The following TMEM132B variants were observed in gnomAD, a reference collection of about 807,000 sequenced individuals.
The protein encoded by TMEM132B is transmembrane protein 132B.
TMEM132B carries 18 observed loss-of-function variants against 90.8 expected under a neutral mutation model. The observed-to-expected ratio is 0.20, with a 90% CI of 0.14 to 0.29. The LOEUF (loss-of-function observed/expected upper bound fraction) is 0.29. Among genes scored for constraint, TMEM132B ranks in the 10% least tolerant of loss-of-function variants. The pLI, the probability that TMEM132B is intolerant of heterozygous loss-of-function variation, is 1.00. For missense variants in TMEM132B, 1,096 were observed against 1,326.8 expected, an observed-to-expected ratio of 0.83 and a Z score of 2.70; for synonymous variants, 504 against 523.3, an observed-to-expected ratio of 0.96 and a Z score of 0.50.
At chr12:125,652,681 CTCTCAGTTAGCACATCCTG>C (rs779641493) in intron 8 of TMEM132B, 49 bp downstream of exon 8, 1 of 1,561,620 alleles carries the variant, frequency 6.4e-7, no homozygotes, top group Non-Finnish European at 8.7e-7. Context: ...GATGACTTCT[CTCTCAGTTAGCACATCCTG>C]CGAAGGAGAG....
At chr12:125,477,507 A>T (rs1007688000) in intron 3 of TMEM132B, among the ~76,000 whole-genome samples, 21 of 146,948 alleles carry the variant, frequency 1.4e-4, no homozygotes, top group African/African-American at 5.1e-4. Flanking sequence ...AAATTCCGTA[A>T]TTTTTTTCCC....
chr12:125,198,324 G>A (rs1403357313), intron 1 of TMEM132B, among the ~76,000 whole-genome samples: 1 of 152,180 alleles, frequency 6.6e-6, no homozygotes, highest in Admixed American at 6.5e-5. Context: ...GTATGGCTGG[G>A]TCCAGGGGCT....
chr12:125,644,993 G>A (rs1331560371), intron 6 of TMEM132B, among the ~76,000 whole-genome samples: 5 of 152,080 alleles, frequency 3.3e-5, no homozygotes, highest in East Asian at 1.9e-4. Flanking sequence ...CAAGGCAGGC[G>A]GATCACGAGG....
At chr12:125,540,440 G>GT (rs903556700) in intron 4 of TMEM132B, among the ~76,000 whole-genome samples, 2 of 152,106 alleles carry the variant, frequency 1.3e-5, no homozygotes, top group Non-Finnish European at 2.9e-5. Context: ...AGATTTGTCT[G>GT]TTTTTTGTTG....
At chr12:125,515,412 C>T (rs1883104736) in intron 3 of TMEM132B, among the ~76,000 whole-genome samples, 1 of 145,860 alleles carries the variant, frequency 6.9e-6, no homozygotes, top group African/African-American at 2.5e-5. Context: ...TACATTCAAA[C>T]ATTTGCTCAC....
At chr12:125,348,709 G>T (rs1040192596) in intron 1 of TMEM132B, among the ~76,000 whole-genome samples, 5 of 152,184 alleles carry the variant, frequency 3.3e-5, no homozygotes, top group African/African-American at 1.2e-4. Flanking sequence ...CCTACTTTAT[G>T]TGAGGACATT....
Position 125,300,042 on chromosome 12 carries a change from G to A in TMEM132B, c.68-49410G>A, listed in dbSNP as rs573292285. ...TCCTCCCATGCGCCCTGCGTGGGCC[G>A]CCACGGGGGCTTTGCACTCGCTGTG... On this transcript the variant is annotated intron_variant, in intron 1 of 8. Coordinates refer to ENST00000682704, the MANE Select transcript of TMEM132B (RefSeq NM_001366854.1). Among the ~76,000 whole-genome samples the A allele has an allele frequency of 1.3e-3, 200 of 152,300 alleles. 1 individual carries two copies. The highest frequency in any genetic ancestry group is 4.5e-3 in the African/African-American group (185 of 41,566).
chr12:125,229,970 A>G (rs997212866), intron 1 of TMEM132B, among the ~76,000 whole-genome samples: 2 of 152,248 alleles, frequency 1.3e-5, no homozygotes, highest in African/African-American at 4.8e-5. Context: ...GAGGATAGAA[A>G]ATGCCGGGGC....
intron 2 of TMEM132B, among the ~76,000 whole-genome samples, chr12:125,369,731 A>G (rs1331385835): frequency 1.3e-5 from 2 of 152,200 alleles, no homozygotes; most frequent in Non-Finnish European, 2.9e-5. Context: ...ATTTTTACCT[A>G]TGGAGGTCAT....
chr12:125,467,587 T>C (rs1165690454), intron 3 of TMEM132B, among the ~76,000 whole-genome samples: 2 of 152,234 alleles, frequency 1.3e-5, no homozygotes, highest in Non-Finnish European at 2.9e-5. Flanking sequence ...TGCTTTTGTT[T>C]TGTGTAATTT....
intron 1 of TMEM132B, among the ~76,000 whole-genome samples, chr12:125,208,947 C>T (rs938470517): frequency 2.0e-5 from 3 of 152,178 alleles, no homozygotes; most frequent in Non-Finnish European, 2.9e-5. Flanking sequence ...GCTCAGGCCT[C>T]GGGCAGGGGC....
chr12:125,597,472 G>T lies in TMEM132B; in HGVS notation c.1437+13478G>T, dbSNP rs1407845677. ...TCTAACTCTCTTAGAACTGCAAGGAGAATTCCTCTTCAAACCTATCAAGGC... is the reference window on the plus strand; with the variant it reads ...TCTAACTCTCTTAGAACTGCAAGGATAATTCCTCTTCAAACCTATCAAGGC... On this transcript the variant is annotated intron_variant, in intron 5 of 8. Transcript: ENST00000682704. 2.0e-5 allele frequency among the ~76,000 whole-genome samples: 3 copies of T among 152,196 alleles called. No homozygotes were observed. The East Asian group carries it at 5.8e-4, about 29-fold the overall frequency.
intron 1 of TMEM132B, among the ~76,000 whole-genome samples, chr12:125,215,987 T>G (rs904813741): frequency 1.3e-5 from 2 of 152,250 alleles, no homozygotes; most frequent in Non-Finnish European, 2.9e-5. Context: ...TGGGCACCAT[T>G]ATTCTGCTTA....
At chr12:125,306,521 C>T (rs925550138) in intron 1 of TMEM132B, among the ~76,000 whole-genome samples, 5 of 152,208 alleles carry the variant, frequency 3.3e-5, no homozygotes, top group African/African-American at 1.2e-4. Flanking sequence ...ATGGCAATTC[C>T]ATCCTTCTAG....
intron 1 of TMEM132B, among the ~76,000 whole-genome samples, chr12:125,210,600 T>A (rs1873298157): frequency 6.6e-6 from 1 of 152,082 alleles, no homozygotes; most frequent in African/African-American, 2.4e-5. Flanking sequence ...ACTGCTGTCG[T>A]CTGGTGAGCA....
At chr12:125,637,488 A>G (rs1886513284) in intron 5 of TMEM132B, among the ~76,000 whole-genome samples, 1 of 152,194 alleles carries the variant, frequency 6.6e-6, no homozygotes, top group Admixed American at 6.5e-5. Context: ...TTGGTTTTAT[A>G]CATTTTAGGG....
At chr12:125,618,672 G>GT (rs143701611) in intron 5 of TMEM132B, among the ~76,000 whole-genome samples, 2,633 of 151,238 alleles carry the variant, frequency 0.017, 97 homozygotes, top group African/African-American at 0.061. Context: ...TCCTTTAAAT[G>GT]TTTTTTTTTA....
intron 1 of TMEM132B, among the ~76,000 whole-genome samples, chr12:125,194,668 A>G (rs977635752): frequency 1.5e-5 from 2 of 132,376 alleles, no homozygotes; most frequent in Admixed American, 1.8e-4. Flanking sequence ...GGCTGCTAGC[A>G]TTCCTGGCGA....
chr12:125,420,103 G>A (rs1880127923), intron 3 of TMEM132B, among the ~76,000 whole-genome samples: 1 of 152,196 alleles, frequency 6.6e-6, no homozygotes, highest in African/African-American at 2.4e-5. Flanking sequence ...GCTTTTCCAG[G>A]CACACAGTGC....
Sources: gnomAD v4.1 joint callset for allele counts (sites outside exome capture counted in the v4.1 genomes callset) on GRCh38, gnomAD v4.1.1 for gene constraint, MANE v1.5 for transcripts, NCBI Gene and HGNC (gene_info 2026-07-23, HGNC 2026-07-21) for gene names.